Variants in RPAP1 observed in about 807,000 individuals in gnomAD.
RPAP1 encodes the protein RNA polymerase II-associated protein 1.
RPAP1 carries 109 observed loss-of-function variants against 142.4 expected under a neutral mutation model. The observed-to-expected ratio is 0.77, with a 90% CI of 0.66 to 0.90. RPAP1 has a LOEUF of 0.90. Ranked by LOEUF, RPAP1 falls within the 40% of genes least tolerant of loss-of-function variation. The pLI is 0.00. For missense variants in RPAP1, 1,546 were observed against 1,751.7 expected (o/e 0.88, Z 2.10); for synonymous variants, 704 against 738.9 (o/e 0.95, Z 0.77).
chr15:41,540,282 G>A (rs1186897627), intron 1 of RPAP1, among the ~76,000 whole-genome samples: 11 of 149,816 alleles, frequency 7.3e-5, no homozygotes, highest in Non-Finnish European at 1.0e-4. Flanking sequence ...CCTCATAACA[G>A]CCTAGGAGGT....
At chr15:41,531,288 T>G (rs1595485806) in intron 6 of RPAP1, 86 bp from the exon 7 acceptor site, 1 of 1,346,790 alleles carries the variant, frequency 7.4e-7, no homozygotes, top group Admixed American at 2.0e-5. Context: ...ATATCGCCTG[T>G]CTGTGGGTGC....
At chr15:41,526,080 GC>G in intron 14 of RPAP1, among the ~76,000 whole-genome samples, 1 of 152,186 alleles carries the variant, frequency 6.6e-6, no homozygotes, top group East Asian at 1.9e-4. Context: ...CTCCCAAGTA[GC>G]TGGGACTACA....
intron 13 of RPAP1, 26 bp downstream of exon 13, chr15:41,527,141 C>T (rs746910983): frequency 1.3e-4 from 204 of 1,613,712 alleles, no homozygotes; most frequent in South Asian, 2.6e-4. Context: ...GGCTTTTTGC[C>T]CATTCCCTGC....
chr15:41,529,361 G>T, intron 9 of RPAP1, 109 bp downstream of exon 9: 1 of 710,034 alleles, frequency 1.4e-6, no homozygotes, highest in South Asian at 1.7e-5. Context: ...GCACAGCAAA[G>T]GCATGAACTA....
At position 41,518,121 on chromosome 15, in the gene RPAP1, A is replaced by G. The variant is rs1438534911; in HGVS notation, c.3857T>C (p.Leu1286Pro). 1 of 1,601,566 alleles carries G rather than the reference A, an allele frequency of 6.2e-7. No individual in the cohort carries two copies. Among genetic ancestry groups the G allele is most frequent in the Non-Finnish European group, 8.5e-7 (1 of 1,176,482 alleles). The change falls in exon 23 of 25, where the codon CTC becomes CCC. Residue 1286 changes from leucine to proline, a missense_variant. Leu to Pro is a moderately conservative substitution (Grantham distance 98). Around this residue, in one of 3 missense-constraint regions of RPAP1, gnomAD observed 210 missense variants for 248.0 expected, o/e 0.85. Transcript: ENST00000304330. ...ACCAGTAACCAGGGTCCGGAAGTAGAGCTGAAGGAGGGCCAGGTTGTCTTC... is the reference window on the plus strand; with the variant it reads ...ACCAGTAACCAGGGTCCGGAAGTAGGGCTGAAGGAGGGCCAGGTTGTCTTC... ...PPEDNLALLQ[L>P]YFRTLVTGAL... is the part of the protein sequence containing the mutation.
At chr15:41,526,833 T>C in intron 14 of RPAP1, 65 bp downstream of exon 14, 1 of 1,477,308 alleles carries the variant, frequency 6.8e-7, no homozygotes, top group Non-Finnish European at 9.1e-7. Flanking sequence ...TCAGGAGCCA[T>C]GTTTAGCTCC....
In RPAP1 at chr15:41,527,178, A is replaced by C; in HGVS notation, c.1735T>G (p.Ser579Ala). The C allele has an allele frequency of 1.2e-6, 2 of 1,614,192 alleles. No homozygotes were observed. Among genetic ancestry groups the C allele is most frequent in the Non-Finnish European group, 1.7e-6 (2 of 1,180,030 alleles). The change falls in exon 13 of 25, where the codon TCA (serine) becomes GCA (alanine). Residue 579 changes from serine to alanine, a missense_variant. Around this residue, in one of 3 missense-constraint regions of RPAP1, gnomAD observed 1,333 missense variants for 1,486.6 expected, o/e 0.90. Transcript: ENST00000304330. ...CCCTTTTTTCTCACCCTTGTGGCTG[A>C]TTCCAGGGAATGCCGGGCCAGGCGG... ...LIRLARHSLE[S>A]ATRVLECPRL...
chr15:41,521,962 G>T, intron 20 of RPAP1, 82 bp from the exon 21 acceptor site: 1 of 1,569,986 alleles, frequency 6.4e-7, no homozygotes, highest in South Asian at 1.2e-5. Flanking sequence ...ATAAAAGTGA[G>T]GCTGAAGGGC....
Position 41,523,853 on chromosome 15 carries a change from G to C in RPAP1, c.2354C>G (p.Pro785Arg). The C allele has an allele frequency of 6.2e-7, 1 of 1,609,116 alleles. No homozygotes were observed. Among genetic ancestry groups the C allele is most frequent in the Non-Finnish European group, 8.5e-7 (1 of 1,177,704 alleles). ...TGGGCCCACGGCTCTCCACATCTCA[G>C]GTCTGGACAGCAACTTCAAGGTCTG... ...LRQTLKLLSR[P>R]EMWRAVGPVP... Residue 785 changes from proline to arginine, a missense_variant, in exon 17 of 25, where the codon CCT (proline) becomes CGT (arginine). Physicochemically the swap from Pro to Arg is moderately radical, Grantham distance 103. Coordinates refer to ENST00000304330, the MANE Select transcript of RPAP1 (RefSeq NM_015540.4).
intron 14 of RPAP1, 142 bp downstream of exon 14, chr15:41,526,756 T>C: frequency 1.2e-6 from 1 of 848,430 alleles, no homozygotes; most frequent in Non-Finnish European, 1.9e-6. Context: ...TGCCTGGTGA[T>C]TTCTGTTGCA....
rs754842367 is a variant in RPAP1, at chr15:41,524,212, C to A, written c.2118G>T (p.Pro706=). 10 of 1,559,420 alleles carry A rather than the reference C, an allele frequency of 6.4e-6. No individual in the cohort carries two copies. Among genetic ancestry groups the A allele is most frequent in the Non-Finnish European group, 8.7e-6 (10 of 1,152,188 alleles). The change falls in exon 16 of 25, where the codon CCG becomes CCT. Residue 706 remains proline, a synonymous_variant. Transcript: ENST00000304330. The part of the protein sequence containing the change: ...PVLMRALQVV[P]RELSTHPPQP... ...GAGGTGGGTGGGTGCTGAGCTCCCG[C>A]GGCACCACCTGCAAGGCCCGCATCA...
chr15:41,541,072 A>G (rs1243263386), intron 1 of RPAP1, among the ~76,000 whole-genome samples: 1 of 146,290 alleles, frequency 6.8e-6, no homozygotes. Flanking sequence ...ACTGAACCAG[A>G]CCTTGAAGGA....
rs71104794 is a variant in RPAP1, at chr15:41,543,201, C to CTT, written c.-77+1016_-77+1017dup. Among the ~76,000 whole-genome samples, 569 of 78,896 alleles carry CTT rather than the reference C, an allele frequency of 7.2e-3. 1 individual carries two copies. Among genetic ancestry groups the CTT allele is most frequent in the Non-Finnish European group, 7.9e-3 (349 of 44,286 alleles). The allele number at this position is 78,896 out of a possible 152,430, so 51.8% of individuals were successfully genotyped here. On this transcript the variant is annotated intron_variant, in intron 1 of 24. Transcript: ENST00000304330. ...AATTAGGCAAATTATCAATGCTGTC[C>CTT]TTTTTTTTTTTTTTTTTTTTTTTTT...
At position 41,527,976 on chromosome 15, in the gene RPAP1, G is replaced by A. The variant is rs765933150; in HGVS notation, c.1312C>T (p.Leu438Phe). 70 of 1,613,982 alleles carry A rather than the reference G, an allele frequency of 4.3e-5. No individual in the cohort carries two copies. The highest frequency in any genetic ancestry group is 5.7e-5 in the Non-Finnish European group (67 of 1,180,018). ...AGGAAGAGGAAACCAGCATCCAAAA[G>A]GAGGCTTAAGACACTGCCTGCTAGC... is the stretch of plus-strand genomic sequence containing the variant. Reference protein sequence around the residue: ...DRLAGSVLSLLLDAGFLFLLR... With the variant: ...DRLAGSVLSLFLDAGFLFLLR... The change falls in exon 11 of 25, where the codon CTT becomes TTT. Residue 438 changes from leucine to phenylalanine, a missense_variant. Transcript: ENST00000304330.
At chr15:41,519,735 C>T (rs1364966766) in intron 22 of RPAP1, 1 of 153,138 alleles carries the variant, frequency 6.5e-6, no homozygotes, top group Admixed American at 6.5e-5. Flanking sequence ...GTGCCTGGGT[C>T]AATCCCCACT....
intron 5 of RPAP1, 43 bp from the exon 6 acceptor site, chr15:41,534,978 G>T: frequency 6.3e-7 from 1 of 1,576,150 alleles, no homozygotes; most frequent in Non-Finnish European, 8.7e-7. Context: ...TGTCCTCCAG[G>T]GCTCTAACTG....
chr15:41,527,810 A>G, intron 11 of RPAP1, 50 bp downstream of exon 11: 2 of 1,605,316 alleles, frequency 1.2e-6, no homozygotes, highest in South Asian at 1.1e-5. Flanking sequence ...GAACAGGAAT[A>G]TGGACCCTGG....
intron 1 of RPAP1, among the ~76,000 whole-genome samples, chr15:41,538,998 G>A (rs1466315003): frequency 6.6e-6 from 1 of 152,218 alleles, no homozygotes; most frequent in Non-Finnish European, 1.5e-5. Context: ...TAGTTGCCAG[G>A]GGCTAGGAGA....
Position 41,526,965 on chromosome 15 carries a change from G to T in RPAP1, c.1850C>A (p.Pro617His). 1 of 1,614,166 alleles carries T rather than the reference G, an allele frequency of 6.2e-7. No individual in the cohort carries two copies. Among genetic ancestry groups the T allele is most frequent in the Admixed American group, 1.7e-5 (1 of 60,018 alleles). Reference sequence around the variant, plus strand: ...AAGTAGTTTCATGGCAGTAGCACAGGGTACTTTGTATAGACTAGGGGTAGG... The same window carrying T: ...AAGTAGTTTCATGGCAGTAGCACAGTGTACTTTGTATAGACTAGGGGTAGG... ...AGPTPSLYKVPCATAMKLLRV... is the reference protein window; with the variant it reads ...AGPTPSLYKVHCATAMKLLRV... Residue 617 changes from proline to histidine, a missense_variant, in exon 14 of 25, where the codon CCC becomes CAC. Physicochemically the swap from Pro to His is moderately conservative, Grantham distance 77. Transcript: ENST00000304330.
Sources: allele counts gnomAD v4.1 joint callset (sites outside exome capture counted in the v4.1 genomes callset), GRCh38; gene constraint gnomAD v4.1.1; regional missense constraint gnomAD v4.1.1; transcripts MANE v1.5; gene names NCBI Gene and HGNC (gene_info 2026-07-23, HGNC 2026-07-21).